ADARB2: variants seen among roughly 807,000 people sequenced by gnomAD.
The protein encoded by ADARB2 is adenosine deaminase RNA specific B2 (inactive).
A neutral mutation model predicts 62.2 loss-of-function variants in ADARB2; 25 were observed. The ratio of observed to expected loss-of-function variants is 0.40; its 90% CI spans 0.29 to 0.56. ADARB2 has a LOEUF of 0.56. ADARB2 is among the 20% of genes least tolerant of loss of function. ADARB2 has a pLI of 0.43. For missense variants in ADARB2, 1,071 were observed against 1,077.4 expected, an observed-to-expected ratio of 0.99 and a Z score of 0.08; for synonymous variants, 572 against 500.8, an observed-to-expected ratio of 1.14 and a Z score of -1.90.
At chr10:1,596,233 A>G (rs1833332575) in intron 1 of ADARB2, among the ~76,000 whole-genome samples, 1 of 152,272 alleles carries the variant, frequency 6.6e-6, no homozygotes, top group South Asian at 2.1e-4. Flanking sequence ...CATTTTTGAC[A>G]AGGAAAACAG....
chr10:1,585,317 A>T (rs1833161049), intron 1 of ADARB2, among the ~76,000 whole-genome samples: 1 of 152,168 alleles, frequency 6.6e-6, no homozygotes, highest in African/African-American at 2.4e-5. Context: ...GCCAAAGGGA[A>T]AAGTCGAGTT....
At chr10:1,229,414 G>C (rs2131765972) in intron 6 of ADARB2, among the ~76,000 whole-genome samples, 1 of 152,300 alleles carries the variant, frequency 6.6e-6, no homozygotes, top group Admixed American at 6.5e-5. Flanking sequence ...GCAGCCACCA[G>C]AGAGTCAGAA....
chr10:1,424,372 C>T (rs993837835), intron 1 of ADARB2, among the ~76,000 whole-genome samples: 10 of 152,166 alleles, frequency 6.6e-5, no homozygotes, highest in African/African-American at 2.4e-4. Flanking sequence ...GCTGAACACC[C>T]CTGTGAGAAC....
At chr10:1,224,466 AGCTT>A (rs1830727031) in intron 6 of ADARB2, among the ~76,000 whole-genome samples, 1 of 151,864 alleles carries the variant, frequency 6.6e-6, no homozygotes, top group Non-Finnish European at 1.5e-5. Flanking sequence ...GCCTTCTGCT[AGCTT>A]TTGAATGTGT....
At chr10:1,326,128 G>T (rs1831842550) in intron 3 of ADARB2, among the ~76,000 whole-genome samples, 1 of 152,130 alleles carries the variant, frequency 6.6e-6, no homozygotes, top group Non-Finnish European at 1.5e-5. Context: ...CCCCATACTT[G>T]GTAAAACTTA....
At chr10:1,718,660 AG>A (rs1835052352) in intron 1 of ADARB2, among the ~76,000 whole-genome samples, 1 of 152,172 alleles carries the variant, frequency 6.6e-6, no homozygotes, top group Non-Finnish European at 1.5e-5. Flanking sequence ...TCCCTAAAGC[AG>A]GGGCCAGGGT....
At chr10:1,492,114 T>C (rs1446703847) in intron 1 of ADARB2, among the ~76,000 whole-genome samples, 1 of 152,164 alleles carries the variant, frequency 6.6e-6, no homozygotes, top group Non-Finnish European at 1.5e-5. Flanking sequence ...CAGGGAAGCA[T>C]ATAGTTTAGT....
rs904959 is a variant in ADARB2, at chr10:1,182,970, A to G, written c.*223T>C. 556,679 of 560,042 alleles carry G rather than the reference A, an allele frequency of 0.99. 276,746 individuals are homozygous for G. The highest frequency in any genetic ancestry group is 1 in the East Asian group (32,791 of 32,796). 34.7% of individuals were successfully genotyped at this position (560,042 alleles called of 1,614,324 possible). On this transcript the variant is annotated 3_prime_UTR_variant, in exon 10 of 10. Transcript: ENST00000381312. ...AGAGTCGGCGCTAACTCAACAGTGC[A>G]TGTGCCCCTGGGTGTGGGGGACAGG...
intron 1 of ADARB2, among the ~76,000 whole-genome samples, chr10:1,406,143 G>A (rs1157135656): frequency 2.0e-5 from 3 of 152,240 alleles, no homozygotes; most frequent in African/African-American, 7.2e-5. Context: ...CCATGGTGGA[G>A]GTGTGGATTT....
chr10:1,323,942 T>C (rs1412262854), intron 3 of ADARB2, among the ~76,000 whole-genome samples: 3 of 152,206 alleles, frequency 2.0e-5, no homozygotes, highest in East Asian at 1.9e-4. Context: ...CTGTGAAAGA[T>C]TGCCTTAAAG....
intron 3 of ADARB2, among the ~76,000 whole-genome samples, chr10:1,273,887 C>T (rs544549225): frequency 2.6e-4 from 39 of 152,272 alleles, no homozygotes; most frequent in African/African-American, 9.1e-4. Context: ...GCTCTGGGAC[C>T]GGGTGACGGG....
chr10:1,413,923 C>T (rs56242574), intron 1 of ADARB2, among the ~76,000 whole-genome samples: 40,103 of 152,166 alleles, frequency 0.26, 5,714 homozygotes, highest in Middle Eastern at 0.43. Context: ...AAATCCTTGT[C>T]TTGCAATTGC....
In ADARB2 at chr10:1,363,482, G is replaced by A. The variant is rs1219280790; in HGVS notation, c.623C>T (p.Pro208Leu). 6.0e-6 allele frequency: 9 copies of A among 1,497,390 alleles called. No individual in the cohort carries two copies. In the African/African-American group the frequency reaches 1.0e-4, roughly 17 times the overall value. The allele number at this position is 1,497,390 out of a possible 1,614,324, so 92.8% of individuals were successfully genotyped here. ...AHLAMGGGPG[P>L]GTDFTSDQAD... Reference sequence around the variant, plus strand: ...CTGGTCGGAGGTGAAGTCCGTGCCGGGGCCCGGGCCCCCGCCCATGGCCAG... The same window carrying A: ...CTGGTCGGAGGTGAAGTCCGTGCCGAGGCCCGGGCCCCCGCCCATGGCCAG... The change falls in exon 3 of 10, where the codon CCC becomes CTC. Residue 208 changes from proline (P) to leucine (L), a missense_variant. Physicochemically the swap from Pro to Leu is moderately conservative, Grantham distance 98. Transcript: ENST00000381312.
intron 1 of ADARB2, among the ~76,000 whole-genome samples, chr10:1,380,054 T>A (rs980476652): frequency 1.4e-4 from 21 of 152,160 alleles, no homozygotes; most frequent in African/African-American, 5.1e-4. Context: ...ACCACCTAAA[T>A]GAAGCCACCG....
intron 1 of ADARB2, among the ~76,000 whole-genome samples, chr10:1,519,768 A>T (rs548295309): frequency 6.6e-6 from 1 of 152,158 alleles, no homozygotes; most frequent in Non-Finnish European, 1.5e-5. Flanking sequence ...ACCCTGCATC[A>T]TGGATCTTGT....
intron 3 of ADARB2, 77 bp downstream of exon 3, chr10:1,362,951 T>C: frequency 8.1e-7 from 1 of 1,232,042 alleles, no homozygotes; most frequent in South Asian, 2.9e-5. Context: ...TGGACGCCAC[T>C]CCCAACAGGG....
intron 1 of ADARB2, among the ~76,000 whole-genome samples, chr10:1,541,240 C>G (rs1378720373): frequency 2.3e-5 from 1 of 43,786 alleles, no homozygotes; most frequent in Non-Finnish European, 5.1e-5. Context: ...CACAGCCGCC[C>G]AGACCCCACT....
chr10:1,656,677 C>T (rs770339638), intron 1 of ADARB2, among the ~76,000 whole-genome samples: 7 of 152,114 alleles, frequency 4.6e-5, no homozygotes, highest in African/African-American at 7.2e-5. Flanking sequence ...GACTCTCACG[C>T]GTCTTCATGT....
chr10:1,673,342 GTA>G (rs1491436444), intron 1 of ADARB2, among the ~76,000 whole-genome samples: 4 of 147,772 alleles, frequency 2.7e-5, no homozygotes, highest in African/African-American at 9.9e-5. Flanking sequence ...GTGTGTGTGT[GTA>G]TGTGTGTGTA....
Sources: allele counts gnomAD v4.1 joint callset (sites outside exome capture counted in the v4.1 genomes callset), GRCh38; gene constraint gnomAD v4.1.1; transcripts MANE v1.5; gene names NCBI Gene and HGNC (gene_info 2026-07-23, HGNC 2026-07-21).